Variants in SIL1 observed in about 807,000 individuals in gnomAD.
The protein encoded by SIL1 is SIL1 nucleotide exchange factor, also known as nucleotide exchange factor SIL1.
In SIL1, 40 loss-of-function variants were observed where a neutral mutation model predicts 49.1. That is an observed-to-expected ratio of 0.81 (90% CI 0.63 to 1.06). The LOEUF is 1.06. Among genes scored for constraint, SIL1 ranks in the 50% least tolerant of loss-of-function variants. The probability of loss-of-function intolerance (pLI) is 0.00; values close to 1 mark genes in which losing one functional copy is unlikely to be tolerated. For synonymous variants in SIL1, 253 were observed against 250.8 expected (o/e 1.01, Z -0.08); for missense variants, 500 against 572.6 (o/e 0.87, Z 1.29).
At chr5:139,110,028 G>A (rs1770808357) in intron 3 of SIL1, among the ~76,000 whole-genome samples, 1 of 151,988 alleles carries the variant, frequency 6.6e-6, no homozygotes, top group East Asian at 1.9e-4. Context: ...AATTAGCCAG[G>A]CATGGTGGCA....
At position 138,948,036 on chromosome 5, in the gene SIL1, G is replaced by A. The variant is rs1210985996; in HGVS notation, c.1030-563C>T. Reference sequence around the variant, plus strand: ...TGACAAGCAGGCAGGTTACCTGAAGGTCAGAGGTAGAGGGTTGGGAGGGGG... The same window carrying A: ...TGACAAGCAGGCAGGTTACCTGAAGATCAGAGGTAGAGGGTTGGGAGGGGG... On this transcript the variant is annotated intron_variant, in intron 9 of 9. Transcript: ENST00000394817. The surrounding 1 kb of genome is among the most constrained non-coding windows in gnomAD (Gnocchi z 4.8). Among the ~76,000 whole-genome samples, 2 of 152,216 alleles carry A rather than the reference G, an allele frequency of 1.3e-5. No homozygotes were observed. Among genetic ancestry groups the A allele is most frequent in the African/African-American group, 4.8e-5 (2 of 41,456 alleles).
intron 7 of SIL1, among the ~76,000 whole-genome samples, chr5:138,978,135 T>C (rs931132489): frequency 6.6e-6 from 1 of 152,226 alleles, no homozygotes; most frequent in African/African-American, 2.4e-5. Flanking sequence ...TTTTTGTGTA[T>C]TCACAGAGTT....
At chr5:139,121,684 GCCCAGCAGGGCACAATT>G (rs1750643966) in intron 2 of SIL1, among the ~76,000 whole-genome samples, 1 of 152,186 alleles carries the variant, frequency 6.6e-6, no homozygotes, top group Non-Finnish European at 1.5e-5. Context: ...TTCCCAAGCA[GCCCAGCAGGGCACAATT>G]CCCCAGTGTG....
intron 4 of SIL1, among the ~76,000 whole-genome samples, chr5:139,044,446 T>G (rs1769108029): frequency 6.6e-6 from 1 of 152,092 alleles, no homozygotes. Context: ...CATCACCCAC[T>G]CTCAGTCCCA....
intron 7 of SIL1, among the ~76,000 whole-genome samples, chr5:138,956,899 C>T (rs1186427304): frequency 2.0e-5 from 3 of 152,122 alleles, no homozygotes; most frequent in African/African-American, 4.8e-5. Flanking sequence ...ATGAGCTGCA[C>T]ATCACTTTGT....
rs377150029 is a variant in SIL1, at chr5:138,947,467, C to T, written c.1036G>A (p.Ala346Thr). 2.7e-5 allele frequency: 43 copies of T among 1,613,170 alleles called. No individual in the cohort carries two copies. Among genetic ancestry groups the T allele is most frequent in the Admixed American group, 6.7e-5 (4 of 59,998 alleles). Reference sequence around the variant, plus strand: ...TGGGTCAGCTCAGCCTCCTCCTCGGCGAACATCTGCCATCCGCCACAGCCG... The same window carrying T: ...TGGGTCAGCTCAGCCTCCTCCTCGGTGAACATCTGCCATCCGCCACAGCCG... ...LYDLVTEKMF[A>T]EEEAELTQEM... The change falls in exon 10 of 10, where the codon GCC becomes ACC. Residue 346 changes from alanine (A) to threonine (T), a missense_variant. By Grantham distance (58) the Ala-to-Thr change is moderately conservative. Coordinates refer to ENST00000394817, the MANE Select transcript of SIL1 (RefSeq NM_022464.5). The surrounding 1 kb of genome is among the most constrained non-coding windows in gnomAD (Gnocchi z 4.1).
intron 3 of SIL1, among the ~76,000 whole-genome samples, chr5:139,081,021 A>G (rs540911700): frequency 3.3e-5 from 5 of 152,352 alleles, no homozygotes; most frequent in African/African-American, 9.6e-5. Flanking sequence ...CAGCCCTAAA[A>G]AAGAGTTGGA....
chr5:139,022,901 G>A (rs1344912006), intron 6 of SIL1, among the ~76,000 whole-genome samples: 1 of 152,058 alleles, frequency 6.6e-6, no homozygotes, highest in African/African-American at 2.4e-5. Flanking sequence ...CTATTCTTTG[G>A]TTGTCCTTCC....
chr5:139,196,464 T>C (rs1752275714), intron 1 of SIL1: 1 of 152,194 alleles, frequency 6.6e-6, no homozygotes. Context: ...TTAATTAGCC[T>C]CTTCTCCTGC....
At chr5:138,953,385 G>A (rs1766828825) in intron 7 of SIL1, 1 of 152,376 alleles carries the variant, frequency 6.6e-6, no homozygotes, top group African/African-American at 2.4e-5. Flanking sequence ...TGAATGGAAT[G>A]AAGATAGCTC....
rs763889982 is a variant in SIL1 at position 139,127,772 on chromosome 5, G to A, written c.72C>T (p.Ala24=). The change falls in exon 2 of 10, where the codon GCC becomes GCT. Residue 24 remains alanine, a synonymous_variant. Transcript: ENST00000394817. ...LGMLLGLLMA[A]CFTFCLSHQN... is the part of the protein sequence containing the mutation. Reference sequence around the variant, plus strand: ...GATGACTGAGGCAGAAGGTGAAGCAGGCGGCCATCAGCAGCCCAAGCAGCA... The same window carrying A: ...GATGACTGAGGCAGAAGGTGAAGCAAGCGGCCATCAGCAGCCCAAGCAGCA... 1.7e-5 allele frequency: 27 copies of A among 1,611,022 alleles called. No homozygotes were observed. Among genetic ancestry groups the A allele is most frequent in the Non-Finnish European group, 1.9e-5 (23 of 1,179,494 alleles).
intron 1 of SIL1, among the ~76,000 whole-genome samples, chr5:139,154,704 G>A (rs1308984630): frequency 1.3e-5 from 2 of 152,294 alleles, no homozygotes; most frequent in East Asian, 3.9e-4. Flanking sequence ...CTAGACCAGG[G>A]AGACCTTTAC....
chr5:138,993,202 CTCT>C (rs1002397354), intron 7 of SIL1, among the ~76,000 whole-genome samples: 1 of 152,154 alleles, frequency 6.6e-6, no homozygotes, highest in Non-Finnish European at 1.5e-5. Flanking sequence ...CCTTTACCTC[CTCT>C]TCTATGTCGC....
chr5:138,961,184 C>G (rs73265464), intron 7 of SIL1, among the ~76,000 whole-genome samples: 99 of 152,278 alleles, frequency 6.5e-4, no homozygotes, highest in African/African-American at 2.3e-3. Flanking sequence ...ATTTTGAAAA[C>G]CAGAACAGTT....
At chr5:139,004,059 T>G (rs536471511) in intron 7 of SIL1, among the ~76,000 whole-genome samples, 257 of 152,342 alleles carry the variant, frequency 1.7e-3, no homozygotes, top group African/African-American at 6.0e-3. Flanking sequence ...GAGCCTAGTG[T>G]CAGGCCAAGC....
intron 5 of SIL1, among the ~76,000 whole-genome samples, chr5:139,041,202 C>G (rs956273637): frequency 1.3e-5 from 2 of 152,192 alleles, no homozygotes; most frequent in African/African-American, 2.4e-5. Flanking sequence ...GCGAGCATTG[C>G]CTTCCTTCAC....
At chr5:139,037,577 TTA>T (rs1040827967) in intron 5 of SIL1, among the ~76,000 whole-genome samples, 81 of 152,328 alleles carry the variant, frequency 5.3e-4, no homozygotes, top group African/African-American at 1.9e-3. Flanking sequence ...TAATTTTTAT[TTA>T]TCTGTCTTTA....
intron 5 of SIL1, chr5:139,035,586 C>T: frequency 6.7e-6 from 3 of 445,072 alleles, no homozygotes; most frequent in South Asian, 1.8e-5. Flanking sequence ...GCAATGATAC[C>T]TGTGCCAGCA....
In SIL1 at chr5:138,988,788, G is replaced by A. The variant is rs781341353; in HGVS notation, c.767+32383C>T. On this transcript the variant is annotated intron_variant, in intron 7 of 9. Coordinates refer to ENST00000394817, the MANE Select transcript of SIL1 (RefSeq NM_022464.5). ...CTTGGGAGGCTGAGGCAGGAGGATC[G>A]CTTGAGCCCAGGAGGTTGAAGCTGC... Among the ~76,000 whole-genome samples, 10 of 152,050 alleles carry A rather than the reference G, an allele frequency of 6.6e-5. No homozygotes were observed. In the East Asian group the frequency reaches 7.7e-4, roughly 12 times the overall value.
Sources: gnomAD v4.1 joint callset for allele counts (sites outside exome capture counted in the v4.1 genomes callset) on GRCh38, gnomAD v4.1.1 for gene constraint, Gnocchi (gnomAD v3.1) non-coding constraint, MANE v1.5 for transcripts, NCBI Gene and HGNC (gene_info 2026-07-23, HGNC 2026-07-21) for gene names.